Variants in BSN observed in about 807,000 individuals in gnomAD.
BSN encodes protein bassoon.
In BSN, 57 loss-of-function variants were observed where a neutral mutation model predicts 264.8. The observed-to-expected ratio is 0.22, with a 90% CI of 0.17 to 0.27. BSN has a LOEUF of 0.27. BSN is among the 10% of genes least tolerant of loss of function. BSN has a pLI of 1.00. For synonymous variants in BSN, 2,059 were observed against 2,137.3 expected (o/e 0.96, Z 1.01); for missense variants, 4,615 against 5,232.5 (o/e 0.88, Z 3.64).
At position 49,642,994 on chromosome 3, in the gene BSN, A is replaced by G; in HGVS notation, c.1360A>G (p.Lys454Glu). The G allele has an allele frequency of 6.2e-7, 1 of 1,614,112 alleles. No homozygotes were observed. The highest frequency in any genetic ancestry group is 1.1e-5 in the South Asian group (1 of 91,092). The part of the protein sequence containing the change: ...EHQAASKAAA[K>E]PKTMPKERAI... Reference sequence around the variant, plus strand: ...TCAGGCAGCATCGAAGGCTGCTGCCAAGCCAAAGACCATGCCGAAGGAAAG... The same window carrying G: ...TCAGGCAGCATCGAAGGCTGCTGCCGAGCCAAAGACCATGCCGAAGGAAAG... Residue 454 changes from lysine to glutamate, a missense_variant, in exon 3 of 12, where the codon AAG (lysine) becomes GAG (glutamate). By Grantham distance (56) the Lys-to-Glu change is moderately conservative (BLOSUM62 1). Transcript: ENST00000296452. The surrounding 1 kb of genome is among the most constrained non-coding windows in gnomAD (Gnocchi z 7.0).
At chr3:49,576,571 C>T (rs1338964570) in intron 1 of BSN, among the ~76,000 whole-genome samples, 2 of 152,006 alleles carry the variant, frequency 1.3e-5, no homozygotes, top group Non-Finnish European at 2.9e-5. Context: ...CAGGCACCCA[C>T]CATGATGCTC....
intron 1 of BSN, among the ~76,000 whole-genome samples, chr3:49,560,758 A>G (rs546143933): frequency 1.3e-5 from 2 of 152,216 alleles, no homozygotes; most frequent in East Asian, 3.9e-4. Context: ...TGTGGAGTGA[A>G]TTGGGACACT....
Position 49,581,596 on chromosome 3 carries a change from T to C in BSN, c.224+26770T>C, listed in dbSNP as rs374223320. Reference sequence around the variant, plus strand: ...ATCCCAGCACTTGGGGAAGCCGAGGTGGGCGGATCACAAAGTCAGGAGATC... The same window carrying C: ...ATCCCAGCACTTGGGGAAGCCGAGGCGGGCGGATCACAAAGTCAGGAGATC... On this transcript the variant is annotated intron_variant, in intron 1 of 11. Coordinates refer to ENST00000296452, the MANE Select transcript of BSN (RefSeq NM_003458.4). Among the ~76,000 whole-genome samples, 17 of 151,764 alleles carry C rather than the reference T, an allele frequency of 1.1e-4. No homozygotes were observed. In the East Asian group the frequency reaches 2.3e-3, roughly 21 times the overall value.
At chr3:49,606,190 A>ATATATGTATATAT in intron 1 of BSN, among the ~76,000 whole-genome samples, 1 of 68,086 alleles carries the variant, frequency 1.5e-5, no homozygotes, top group African/African-American at 6.8e-5. Context: ...TATATATATT[A>ATATATGTATATAT]TATATACATA....
intron 1 of BSN, among the ~76,000 whole-genome samples, chr3:49,567,704 CT>C (rs1437232561): frequency 6.6e-6 from 1 of 152,228 alleles, no homozygotes; most frequent in Non-Finnish European, 1.5e-5. Flanking sequence ...GTTACTATGG[CT>C]GTGTAACATG....
At chr3:49,574,865 G>A (rs2051830361) in intron 1 of BSN, among the ~76,000 whole-genome samples, 1 of 151,406 alleles carries the variant, frequency 6.6e-6, no homozygotes, top group Non-Finnish European at 1.5e-5. Flanking sequence ...CTTGAACTCC[G>A]GACCTCAAGT....
chr3:49,643,271 A>G, intron 3 of BSN, 119 bp downstream of exon 3: 2 of 1,444,592 alleles, frequency 1.4e-6, no homozygotes, highest in South Asian at 1.5e-5. Context: ...CTGCTCCTGT[A>G]CAACTAATGC....
chr3:49,563,665 T>G (rs1442498477), intron 1 of BSN, among the ~76,000 whole-genome samples: 1 of 152,228 alleles, frequency 6.6e-6, no homozygotes, highest in Non-Finnish European at 1.5e-5. Flanking sequence ...TGAGGCTGCT[T>G]CCTTCCGAAG....
intron 5 of BSN, among the ~76,000 whole-genome samples, chr3:49,658,611 G>A (rs987918028): frequency 6.6e-5 from 10 of 152,124 alleles, no homozygotes; most frequent in African/African-American, 2.4e-4. Flanking sequence ...AACCTGGCGC[G>A]GCTGCTCTCG....
At position 49,642,254 on chromosome 3, in the gene BSN, G is replaced by T. The variant is rs1486558407; in HGVS notation, c.634-14G>T. 6.6e-7 allele frequency: 1 copy of T among 1,508,458 alleles called. No individual in the cohort carries two copies. Among genetic ancestry groups the T allele is most frequent in the Non-Finnish European group, 8.9e-7 (1 of 1,128,050 alleles). The allele number at this position is 1,508,458 out of a possible 1,614,324, so 93.4% of individuals were successfully genotyped here. A position where few individuals can be genotyped will look rare whatever the true frequency, so the allele number is the denominator to read the frequency against. ...TCCTGGCCACCCTGCTGACTATTTT[G>T]CTTTTCTCCTCAGGTGAAGGAGTGG... On this transcript the variant is annotated splice_polypyrimidine_tract_variant and intron_variant, in intron 2 of 11. Coordinates refer to ENST00000296452, the MANE Select transcript of BSN (RefSeq NM_003458.4). The surrounding 1 kb of genome is among the most constrained non-coding windows in gnomAD (Gnocchi z 7.0).
Position 49,625,208 on chromosome 3 carries a change from C to T in BSN, c.458C>T (p.Thr153Ile). ...TCACCGGACAGAGGCAGCACCCCCACATCACCCTACTCCGTCCCTCAGATC... is the reference window on the plus strand; with the variant it reads ...TCACCGGACAGAGGCAGCACCCCCATATCACCCTACTCCGTCCCTCAGATC... ...SVSPDRGSTP[T>I]SPYSVPQIAP... Residue 153 changes from threonine (T) to isoleucine (I), a missense_variant, in exon 2 of 12, where the codon ACA (threonine) becomes ATA (isoleucine). Around this residue, in one of 3 missense-constraint regions of BSN, gnomAD observed 1,197 missense variants for 1,348.0 expected, o/e 0.89. Transcript: ENST00000296452. The surrounding 1 kb of genome is among the most constrained non-coding windows in gnomAD (Gnocchi z 4.4). The T allele has an allele frequency of 1.9e-6, 3 of 1,563,294 alleles. No homozygotes were observed. The highest frequency in any genetic ancestry group is 2.3e-5 in the East Asian group (1 of 43,406).
At chr3:49,582,171 T>C (rs1183697010) in intron 1 of BSN, among the ~76,000 whole-genome samples, 2 of 152,238 alleles carry the variant, frequency 1.3e-5, no homozygotes, top group Admixed American at 6.5e-5. Context: ...TTCTGTTTAT[T>C]TTGTTTGTTT....
Position 49,653,113 on chromosome 3 carries a change from A to C in BSN, c.3557A>C (p.Glu1186Ala). The change falls in exon 5 of 12, where the codon GAG becomes GCG. Residue 1186 changes from glutamate (E) to alanine (A), a missense_variant. Physicochemically the swap from Glu to Ala is moderately radical, Grantham distance 107. Transcript: ENST00000296452. The surrounding 1 kb of genome is among the most constrained non-coding windows in gnomAD (Gnocchi z 6.3). ...SSGRPLKSAE[E>A]AYEEMMRKAE... ...GGACGGCCGCTCAAGAGCGCTGAGGAGGCTTATGAGGAGATGATGCGCAAA... is the reference window on the plus strand; with the variant it reads ...GGACGGCCGCTCAAGAGCGCTGAGGCGGCTTATGAGGAGATGATGCGCAAA... The C allele has an allele frequency of 1.2e-6, 2 of 1,613,392 alleles. No individual in the cohort carries two copies. Among genetic ancestry groups the C allele is most frequent in the Non-Finnish European group, 1.7e-6 (2 of 1,179,988 alleles).
rs1247519911 is a variant in BSN, at chr3:49,656,096, G to A, written c.6540G>A (p.Leu2180=). The change falls in exon 5 of 12, where the codon CTG becomes CTA. Residue 2180 remains leucine, a synonymous_variant. Coordinates refer to ENST00000296452, the MANE Select transcript of BSN (RefSeq NM_003458.4). The part of the protein sequence containing the change: ...AAGQGTAVRQ[L]LPSTATVRAA... ...GCCAAGGAACAGCAGTCAGACAGCTGCTGCCGTCCACAGCCACTGTACGTG... is the reference window on the plus strand; with the variant it reads ...GCCAAGGAACAGCAGTCAGACAGCTACTGCCGTCCACAGCCACTGTACGTG... 6.2e-7 allele frequency: 1 copy of A among 1,612,126 alleles called. No homozygotes were observed. The highest frequency in any genetic ancestry group is 1.3e-5 in the African/African-American group (1 of 75,060).
intron 1 of BSN, among the ~76,000 whole-genome samples, chr3:49,582,139 G>A (rs1054072159): frequency 1.3e-5 from 2 of 152,036 alleles, no homozygotes; most frequent in Admixed American, 6.6e-5. Context: ...ATTTTTCCAC[G>A]TCCTTGTCAA....
chr3:49,573,038 C>T (rs2051810061), intron 1 of BSN, among the ~76,000 whole-genome samples: 1 of 152,202 alleles, frequency 6.6e-6, no homozygotes, highest in South Asian at 2.1e-4. Flanking sequence ...AGGTGCAATG[C>T]CAGGGTCTTG....
At position 49,650,883 on chromosome 3, in the gene BSN, A is replaced by C; in HGVS notation, c.1790A>C (p.Glu597Ala). 6.2e-7 allele frequency: 1 copy of C among 1,614,208 alleles called. No homozygotes were observed. The highest frequency in any genetic ancestry group is 1.1e-5 in the South Asian group (1 of 91,080). Residue 597 changes from glutamate (E) to alanine (A), a missense_variant, in exon 4 of 12, where the codon GAA (glutamate) becomes GCA (alanine). By Grantham distance (107) the Glu-to-Ala change is moderately radical. Transcript: ENST00000296452. Reference protein sequence around the residue: ...SPQAKPLRASEPSKTPSSVQE... With the variant: ...SPQAKPLRASAPSKTPSSVQE... ...CAGGCCAAGCCCCTCAGGGCTTCTGAACCCAGCAAGACCCCAAGCAGTGTC... is the reference window on the plus strand; with the variant it reads ...CAGGCCAAGCCCCTCAGGGCTTCTGCACCCAGCAAGACCCCAAGCAGTGTC...
intron 1 of BSN, among the ~76,000 whole-genome samples, chr3:49,583,846 A>G (rs891157460): frequency 6.6e-6 from 1 of 152,090 alleles, no homozygotes; most frequent in African/African-American, 2.4e-5. Flanking sequence ...GGTTGTTCAT[A>G]GTATTCTCTT....
chr3:49,626,177 C>G (rs1215271159), intron 2 of BSN, among the ~76,000 whole-genome samples: 1 of 152,142 alleles, frequency 6.6e-6, no homozygotes, highest in Non-Finnish European at 1.5e-5. Flanking sequence ...TTGGGGCCAT[C>G]GCTTTAAAAT....
Sources: gnomAD v4.1 joint callset for allele counts (sites outside exome capture counted in the v4.1 genomes callset) on GRCh38, gnomAD v4.1.1 for gene constraint, gnomAD v4.1.1 regional missense constraint, Gnocchi (gnomAD v3.1) non-coding constraint, MANE v1.5 for transcripts, NCBI Gene and HGNC (gene_info 2026-07-23, HGNC 2026-07-21) for gene names.